MROH7: variants seen among roughly 807,000 people sequenced by gnomAD.
MROH7 encodes maestro heat like repeat family member 7.
Under a neutral mutation model 129.2 loss-of-function variants are expected in MROH7, and 113 were observed. The observed-to-expected ratio is 0.87, with a 90% CI of 0.75 to 1.02. The LOEUF (loss-of-function observed/expected upper bound fraction) is 1.02, where lower values mean the gene tolerates loss of function less well. Ranked by LOEUF, MROH7 falls within the 50% of genes least tolerant of loss-of-function variation. MROH7 has a pLI of 0.00. For synonymous variants in MROH7, 655 were observed against 667.9 expected (o/e 0.98, Z 0.30); for missense variants, 1,601 against 1,671.3 (o/e 0.96, Z 0.73).
In MROH7 at chr1:54,674,013, C is replaced by G; in HGVS notation, c.1801-3C>G. ...TCAATCCCTAAGATTGCAATACAAA[C>G]AGATGCCCTTGGGGTTCCCGGCGCT... On this transcript the variant is annotated splice_polypyrimidine_tract_variant and splice_region_variant and intron_variant, in intron 9 of 23. Coordinates refer to ENST00000421030, the MANE Select transcript of MROH7 (RefSeq NM_001039464.4). The G allele has an allele frequency of 1.2e-6, 2 of 1,613,574 alleles. No homozygotes were observed. Among genetic ancestry groups the G allele is most frequent in the Non-Finnish European group, 1.7e-6 (2 of 1,179,786 alleles).
rs747264454 is a variant in MROH7 at position 54,653,403 on chromosome 1, G to C, written c.477G>C (p.Lys159Asn). The change falls in exon 3 of 24, where the codon AAG becomes AAC. Residue 159 changes from lysine (K) to asparagine (N), a missense_variant. Physicochemically the swap from Lys to Asn is moderately conservative, Grantham distance 94 (BLOSUM62 0). Transcript: ENST00000421030. Reference protein sequence around the residue: ...SEDAFKCLSSKIFKLGQRNSN... With the variant: ...SEDAFKCLSSNIFKLGQRNSN... Reference sequence around the variant, plus strand: ...ATGCCTTCAAGTGCCTCTCAAGTAAGATTTTCAAGTTGGGTCAGAGAAACT... The same window carrying C: ...ATGCCTTCAAGTGCCTCTCAAGTAACATTTTCAAGTTGGGTCAGAGAAACT... The C allele has an allele frequency of 6.2e-7, 1 of 1,614,146 alleles. No individual in the cohort carries two copies. The highest frequency in any genetic ancestry group is 1.1e-5 in the South Asian group (1 of 91,080).
chr1:54,699,159 T>TGTCTGTC (rs1293867516), intron 17 of MROH7: 1 of 65,918 alleles, frequency 1.5e-5, no homozygotes, highest in African/African-American at 5.7e-5. Context: ...TCTTTCTTTC[T>TGTCTGTC]TTTCTTTCTT....
In MROH7 at chr1:54,701,255, A is replaced by G. The variant is rs980588042; in HGVS notation, c.3218A>G (p.Asp1073Gly). Residue 1073 changes from aspartate to glycine, a missense_variant, in exon 19 of 24, where the codon GAC becomes GGC. Asp to Gly is a moderately conservative substitution (Grantham distance 94). Transcript: ENST00000421030. Reference protein sequence around the residue: ...HNLKAVFKGRDQKLMDSAVYV... With the variant: ...HNLKAVFKGRGQKLMDSAVYV... ...CTCAAGGCTGTCTTCAAGGGGCGGG[A>G]CCAGAAGCTGATGGACAGTGCGGTC... The G allele has an allele frequency of 3.7e-6, 6 of 1,613,860 alleles. No homozygotes were observed. Among genetic ancestry groups the G allele is most frequent in the East Asian group, 4.5e-5 (2 of 44,894 alleles).
At position 54,710,013 on chromosome 1, in the gene MROH7, C is replaced by G; in HGVS notation, c.3798C>G (p.His1266Gln). 1 of 1,614,124 alleles carries G rather than the reference C, an allele frequency of 6.2e-7. No individual in the cohort carries two copies. The highest frequency in any genetic ancestry group is 8.5e-7 in the Non-Finnish European group (1 of 1,180,000). The part of the protein sequence containing the change: ...VCIYAAQVQD[H>Q]ILASCWQNSW... Reference sequence around the variant, plus strand: ...TCTACGCAGCCCAGGTCCAGGACCACATCCTGGCCAGCTGCTGGCAGAACT... The same window carrying G: ...TCTACGCAGCCCAGGTCCAGGACCAGATCCTGGCCAGCTGCTGGCAGAACT... Residue 1266 changes from histidine to glutamine, a missense_variant, in exon 24 of 24, where the codon CAC (histidine) becomes CAG (glutamine). His to Gln is a conservative substitution (Grantham distance 24). Transcript: ENST00000421030.
rs147114203 is a variant in MROH7, at chr1:54,657,891, C to T, written c.1231+3734C>T. Among the ~76,000 whole-genome samples the T allele has an allele frequency of 1.2e-3, 184 of 152,116 alleles. 1 individual carries two copies. The highest frequency in any genetic ancestry group is 1.8e-3 in the Non-Finnish European group (123 of 67,984). Reference sequence around the variant, plus strand: ...GGCCAGGCTACTCTCAAACTCCTGACCTCAGGTGATCCACCTGCCTAGGTC... The same window carrying T: ...GGCCAGGCTACTCTCAAACTCCTGATCTCAGGTGATCCACCTGCCTAGGTC... On this transcript the variant is annotated intron_variant, in intron 3 of 23. Coordinates refer to ENST00000421030, the MANE Select transcript of MROH7 (RefSeq NM_001039464.4).
Position 54,695,484 on chromosome 1 carries a change from C to A in MROH7, c.2958C>A (p.Phe986Leu). The A allele has an allele frequency of 6.2e-7, 1 of 1,611,788 alleles. No individual in the cohort carries two copies. The change falls in exon 17 of 24, where the codon TTC becomes TTA. Residue 986 changes from phenylalanine to leucine, a missense_variant. Transcript: ENST00000421030. ...EKHRITATAF[F>L]VELLQMEQVR... Reference sequence around the variant, plus strand: ...ACAGGATCACGGCCACCGCCTTCTTCGTGGAGGTACCAACGGGGGCAGCGG... The same window carrying A: ...ACAGGATCACGGCCACCGCCTTCTTAGTGGAGGTACCAACGGGGGCAGCGG...
chr1:54,680,226 C>G (rs142568778), intron 13 of MROH7, among the ~76,000 whole-genome samples, 181 bp downstream of exon 13: 5 of 152,220 alleles, frequency 3.3e-5, no homozygotes, highest in Non-Finnish European at 5.9e-5. Context: ...CTGTCAGCGC[C>G]GAGCATTACA....
intron 3 of MROH7, among the ~76,000 whole-genome samples, chr1:54,657,209 A>G (rs1325607601): frequency 6.6e-6 from 1 of 151,710 alleles, no homozygotes; most frequent in Non-Finnish European, 1.5e-5. Flanking sequence ...CACCCTACTC[A>G]GCTAATTTTT....
rs377717151 is a variant in MROH7, at chr1:54,653,211, G to T, written c.285G>T (p.Gln95His). 4 of 1,614,028 alleles carry T rather than the reference G, an allele frequency of 2.5e-6. No individual in the cohort carries two copies. Among genetic ancestry groups the T allele is most frequent in the Non-Finnish European group, 3.4e-6 (4 of 1,180,034 alleles). ...DSRAIAPASL[Q>H]ITSSCSGEAL... ...GAGCTATCGCTCCAGCCTCCCTCCA[G>T]ATCACCAGTTCTTGTTCTGGTGAAG... The change falls in exon 3 of 24, where the codon CAG (glutamine) becomes CAT (histidine). Residue 95 changes from glutamine to histidine, a missense_variant. Transcript: ENST00000421030.
rs1393875092 is a variant in MROH7 at position 54,685,267 on chromosome 1, C to T, written c.2521-991C>T. 2.6e-5 allele frequency among the ~76,000 whole-genome samples: 4 copies of T among 152,218 alleles called. No individual in the cohort carries two copies. The East Asian group carries it at 7.7e-4, about 29-fold the overall frequency. On this transcript the variant is annotated intron_variant, in intron 14 of 23. Transcript: ENST00000421030. ...CCTGCCTGACCTCAAGTGATCTGCCCACCTTGGCCTCCCAAAGTGCTGGGA... is the reference window on the plus strand; with the variant it reads ...CCTGCCTGACCTCAAGTGATCTGCCTACCTTGGCCTCCCAAAGTGCTGGGA...
At position 54,670,882 on chromosome 1, in the gene MROH7, G is replaced by A. The variant is rs376972881; in HGVS notation, c.1552G>A (p.Val518Met). 5.4e-5 allele frequency: 87 copies of A among 1,612,482 alleles called. No individual in the cohort carries two copies. Among genetic ancestry groups the A allele is most frequent in the Admixed American group, 5.0e-4 (30 of 59,784 alleles). ...CVHSVFSLPSVQAMQEKDEAK... is the reference protein window; with the variant it reads ...CVHSVFSLPSMQAMQEKDEAK... ...GCACAGCGTGTTCTCCCTGCCCTCCGTGCAGGCGATGCAGGAGAAGGACGA... is the reference window on the plus strand; with the variant it reads ...GCACAGCGTGTTCTCCCTGCCCTCCATGCAGGCGATGCAGGAGAAGGACGA... Residue 518 changes from valine to methionine, a missense_variant, in exon 7 of 24, where the codon GTG becomes ATG. Transcript: ENST00000421030.
intron 14 of MROH7, among the ~76,000 whole-genome samples, chr1:54,686,056 GT>G (rs1250505189): frequency 6.6e-6 from 1 of 151,956 alleles, no homozygotes; most frequent in Non-Finnish European, 1.5e-5. Context: ...GGGGTGGATT[GT>G]TGTCCTTGCT....
At chr1:54,690,873 G>A (rs892854214) in intron 15 of MROH7, among the ~76,000 whole-genome samples, 1 of 152,166 alleles carries the variant, frequency 6.6e-6, no homozygotes, top group East Asian at 1.9e-4. Flanking sequence ...AGCTCAATCT[G>A]TGCCCAAGCC....
At chr1:54,668,686 A>G (rs926402172) in intron 4 of MROH7, among the ~76,000 whole-genome samples, 168 bp from the exon 5 acceptor site, 6 of 152,066 alleles carry the variant, frequency 3.9e-5, no homozygotes, top group African/African-American at 1.4e-4. Context: ...AATATTCTCC[A>G]ATCTTTACCC....
chr1:54,709,484 C>T (rs1020159221), intron 23 of MROH7, among the ~76,000 whole-genome samples: 3 of 152,172 alleles, frequency 2.0e-5, no homozygotes, highest in Non-Finnish European at 4.4e-5. Flanking sequence ...TCCCAAAGTG[C>T]TGGGATTACA....
chr1:54,669,870 G>A (rs1490717463), intron 5 of MROH7, among the ~76,000 whole-genome samples: 2 of 152,054 alleles, frequency 1.3e-5, no homozygotes, highest in African/African-American at 4.8e-5. Flanking sequence ...CGGACATGGT[G>A]GCACGTGTCT....
intron 1 of MROH7, among the ~76,000 whole-genome samples, chr1:54,648,330 A>G (rs1204821627): frequency 1.4e-5 from 2 of 138,106 alleles, no homozygotes; most frequent in African/African-American, 2.8e-5. Flanking sequence ...ACACTGTTGC[A>G]TGCAATTTTA....
chr1:54,666,725 C>G (rs181315317), intron 4 of MROH7, among the ~76,000 whole-genome samples: 1 of 151,976 alleles, frequency 6.6e-6, no homozygotes, highest in African/African-American at 2.4e-5. Context: ...GGGATTATAG[C>G]AGTGAGCCAC....
At chr1:54,691,726 A>C (rs971929772) in intron 15 of MROH7, among the ~76,000 whole-genome samples, 1 of 151,454 alleles carries the variant, frequency 6.6e-6, no homozygotes, top group Admixed American at 6.6e-5. Context: ...GAATTGCTTT[A>C]ACCCAGGAGG....
Sources: gnomAD v4.1 joint callset for allele counts (sites outside exome capture counted in the v4.1 genomes callset) on GRCh38, gnomAD v4.1.1 for gene constraint, MANE v1.5 for transcripts, NCBI Gene and HGNC (gene_info 2026-07-23, HGNC 2026-07-21) for gene names.